AHCYL1: variants seen among roughly 807,000 people sequenced by gnomAD.
AHCYL1 encodes the protein adenosylhomocysteinase like 1, also known as S-adenosylhomocysteine hydrolase-like protein 1.
A neutral mutation model predicts 79.3 loss-of-function variants in AHCYL1; 20 were observed. That is an observed-to-expected ratio of 0.25 (90% CI 0.18 to 0.37). The LOEUF (loss-of-function observed/expected upper bound fraction) is 0.37, where lower values mean the gene tolerates loss of function less well. Ranked by LOEUF, AHCYL1 falls within the 10% of genes least tolerant of loss-of-function variation. AHCYL1 has a pLI of 1.00. For synonymous variants in AHCYL1, 223 were observed against 242.2 expected (o/e 0.92, Z 0.74); for missense variants, 330 against 673.6 (o/e 0.49, Z 5.65).
At chr1:109,990,656 C>G (rs918602401) in intron 1 of AHCYL1, among the ~76,000 whole-genome samples, 1 of 152,142 alleles carries the variant, frequency 6.6e-6, no homozygotes, top group Non-Finnish European at 1.5e-5. Flanking sequence ...TTGTTAACTA[C>G]AGGGGTGGGG....
rs866516964 is a variant in AHCYL1, at chr1:110,022,269, A to G, written c.*589A>G. The G allele has an allele frequency of 1.3e-5, 2 of 152,004 alleles. No homozygotes were observed. Among genetic ancestry groups the G allele is most frequent in the African/African-American group, 4.8e-5 (2 of 41,274 alleles). 9.4% of individuals were successfully genotyped at this position (152,004 alleles called of 1,614,324 possible). On this transcript the variant is annotated 3_prime_UTR_variant, in exon 17 of 17. Transcript: ENST00000369799. ...CAGGAGGCCCACTTGGATTTATAGT[A>G]TAGCCCTTCCTCCACTCCCACCAGA...
chr1:110,004,098 G>C, intron 1 of AHCYL1: 1 of 985,478 alleles, frequency 1.0e-6, no homozygotes, highest in Non-Finnish European at 1.2e-6. Context: ...ATTGACAGAA[G>C]ATCTAGTTGA....
At chr1:109,997,832 C>A (rs765260044) in intron 1 of AHCYL1, among the ~76,000 whole-genome samples, 1 of 152,182 alleles carries the variant, frequency 6.6e-6, no homozygotes, top group Non-Finnish European at 1.5e-5. Context: ...AACCACAGGT[C>A]AAGACCTCTT....
chr1:110,012,296 G>C (rs1388278497), intron 3 of AHCYL1, 66 bp from the exon 4 acceptor site: 6 of 1,453,478 alleles, frequency 4.1e-6, no homozygotes, highest in Admixed American at 3.6e-5. Context: ...ATCCAGACCA[G>C]CCCTGGGGCA....
chr1:110,020,294 A>T (rs948691359), intron 15 of AHCYL1, among the ~76,000 whole-genome samples: 1 of 152,178 alleles, frequency 6.6e-6, no homozygotes, highest in East Asian at 1.9e-4. Flanking sequence ...AGATCCATGG[A>T]TCTTATCCTA....
chr1:110,018,333 C>A, intron 11 of AHCYL1, 40 bp from the exon 12 acceptor site: 1 of 1,593,754 alleles, frequency 6.3e-7, no homozygotes, highest in Non-Finnish European at 8.6e-7. Flanking sequence ...ACCTTTGTTG[C>A]CCGGCATCTC....
rs531076026 is a variant in AHCYL1, at chr1:110,007,999, A to C, written c.121-1035A>C. On this transcript the variant is annotated intron_variant, in intron 1 of 16. Coordinates refer to ENST00000369799, the MANE Select transcript of AHCYL1 (RefSeq NM_006621.7). ...GAATTATCTAGTTCTGGCTTATTTCATTTAAGGAAGTTTTTTTTTTGGGTT... is the reference window on the plus strand; with the variant it reads ...GAATTATCTAGTTCTGGCTTATTTCCTTTAAGGAAGTTTTTTTTTTGGGTT... 4.7e-5 allele frequency among the ~76,000 whole-genome samples: 7 copies of C among 147,744 alleles called. No individual in the cohort carries two copies. In the South Asian group the frequency reaches 1.5e-3, roughly 32 times the overall value.
chr1:109,988,946 T>C (rs1176420815), intron 1 of AHCYL1, among the ~76,000 whole-genome samples: 2 of 152,208 alleles, frequency 1.3e-5, no homozygotes, highest in Admixed American at 6.5e-5. Context: ...TATCTTACGG[T>C]TAATTTTTGG....
intron 3 of AHCYL1, 127 bp downstream of exon 3, chr1:110,011,484 T>G: frequency 7.7e-7 from 1 of 1,306,562 alleles, no homozygotes; most frequent in Non-Finnish European, 1.1e-6. Context: ...ATTATGGACT[T>G]TCGGATAAAC....
intron 6 of AHCYL1, 56 bp from the exon 7 acceptor site, chr1:110,015,369 T>C (rs1003724194): frequency 4.9e-6 from 7 of 1,439,612 alleles, no homozygotes; most frequent in Non-Finnish European, 6.8e-6. Flanking sequence ...GGGTTCAAAG[T>C]TCCCCCCAGC....
chr1:110,009,892 A>T (rs1248570540), intron 2 of AHCYL1, among the ~76,000 whole-genome samples: 2 of 152,244 alleles, frequency 1.3e-5, no homozygotes, highest in Non-Finnish European at 2.9e-5. Context: ...TCATTGTTTA[A>T]CTGAAGACTC....
chr1:109,994,452 T>G (rs959466316), intron 1 of AHCYL1, among the ~76,000 whole-genome samples: 2 of 143,138 alleles, frequency 1.4e-5, no homozygotes, highest in Non-Finnish European at 2.9e-5. Context: ...GTTTTTTTTG[T>G]TTTTGTTTTT....
Position 110,018,483 on chromosome 1 carries a change from T to C in AHCYL1, c.1218+16T>C. On this transcript the variant is annotated intron_variant, in intron 12 of 16. Transcript: ENST00000369799. ...AATCGATGTGGTAAGGCTTCTCTCA[T>C]TTGTTGCTAGGCATTTCTCTACTAC... 1 of 1,613,956 alleles carries C rather than the reference T, an allele frequency of 6.2e-7. No homozygotes were observed. Among genetic ancestry groups the C allele is most frequent in the East Asian group, 2.2e-5 (1 of 44,880 alleles).
chr1:109,985,211 G>A (rs1326499861), intron 1 of AHCYL1, 39 bp downstream of exon 1: 1 of 1,583,338 alleles, frequency 6.3e-7, no homozygotes, highest in Non-Finnish European at 8.6e-7. Context: ...CTCGGGCTCC[G>A]GCCTCGCGGA....
chr1:109,991,471 G>A (rs1649756337), intron 1 of AHCYL1, among the ~76,000 whole-genome samples: 1 of 152,148 alleles, frequency 6.6e-6, no homozygotes, highest in Non-Finnish European at 1.5e-5. Context: ...TGGACAGCCT[G>A]TACTCAGTTG....
Position 110,023,543 on chromosome 1 carries a change from G to C in AHCYL1, c.*1863G>C, listed in dbSNP as rs965542565. 1 of 151,862 alleles carries C rather than the reference G, an allele frequency of 6.6e-6. No homozygotes were observed. Among genetic ancestry groups the C allele is most frequent in the East Asian group, 1.9e-4 (1 of 5,166 alleles). The allele number at this position is 151,862 out of a possible 1,614,324, so 9.4% of individuals were successfully genotyped here. Reference sequence around the variant, plus strand: ...TATTACCGTGTCCATAGGAATAATAGGTAAGGGCTCTGTCTCTGTCAAGCC... The same window carrying C: ...TATTACCGTGTCCATAGGAATAATACGTAAGGGCTCTGTCTCTGTCAAGCC... On this transcript the variant is annotated 3_prime_UTR_variant, in exon 17 of 17. Coordinates refer to ENST00000369799, the MANE Select transcript of AHCYL1 (RefSeq NM_006621.7).
chr1:110,015,765 G>T (rs1651378432), intron 7 of AHCYL1, among the ~76,000 whole-genome samples: 1 of 152,198 alleles, frequency 6.6e-6, no homozygotes, highest in African/African-American at 2.4e-5. Context: ...TTCTCAACTA[G>T]TGTTGAGGGG....
At chr1:109,991,958 A>G (rs74117311) in intron 1 of AHCYL1, among the ~76,000 whole-genome samples, 1,850 of 152,316 alleles carry the variant, frequency 0.012, 41 homozygotes, top group African/African-American at 0.042. Context: ...ATAGGTTTCC[A>G]TATGCTTAAT....
intron 1 of AHCYL1, among the ~76,000 whole-genome samples, chr1:110,005,776 A>C (rs1386351726): frequency 6.6e-6 from 1 of 152,026 alleles, no homozygotes. Flanking sequence ...AAAAAAAATC[A>C]ATTAGGATCA....
Sources: gnomAD v4.1 joint callset for allele counts (sites outside exome capture counted in the v4.1 genomes callset) on GRCh38, gnomAD v4.1.1 for gene constraint, MANE v1.5 for transcripts, NCBI Gene and HGNC (gene_info 2026-07-23, HGNC 2026-07-21) for gene names.